Variants in DENND1B observed in about 807,000 individuals in gnomAD.
DENND1B encodes the protein DENN domain containing 1B.
A neutral mutation model predicts 90.1 loss-of-function variants in DENND1B; 59 were observed. The observed-to-expected ratio is 0.65, with a 90% CI of 0.53 to 0.81. The LOEUF (loss-of-function observed/expected upper bound fraction) is 0.81. DENND1B is among the 40% of genes least tolerant of loss of function. The pLI, the probability that DENND1B is intolerant of heterozygous loss-of-function variation, is 0.00. For missense variants in DENND1B, 862 were observed against 912.6 expected, an observed-to-expected ratio of 0.94 and a Z score of 0.71; for synonymous variants, 337 against 324.6, an observed-to-expected ratio of 1.04 and a Z score of -0.41.
At chr1:197,667,889 T>C (rs1300256427) in intron 5 of DENND1B, among the ~76,000 whole-genome samples, 1 of 152,218 alleles carries the variant, frequency 6.6e-6, no homozygotes, top group Admixed American at 6.5e-5. Flanking sequence ...TTATTATCTA[T>C]ATCATAACAT....
chr1:197,597,311 G>A (rs190596350), intron 13 of DENND1B, among the ~76,000 whole-genome samples: 7 of 151,392 alleles, frequency 4.6e-5, no homozygotes, highest in Non-Finnish European at 4.4e-5. Flanking sequence ...ATCAATATAC[G>A]TATTTAATTA....
intron 20 of DENND1B, among the ~76,000 whole-genome samples, chr1:197,537,111 G>A (rs895678979): frequency 2.0e-5 from 3 of 151,284 alleles, no homozygotes; most frequent in African/African-American, 2.4e-5. Context: ...GACACATAAC[G>A]AATACAAAGA....
chr1:197,695,061 A>G (rs1658291609), intron 3 of DENND1B, among the ~76,000 whole-genome samples: 1 of 151,284 alleles, frequency 6.6e-6, no homozygotes, highest in Non-Finnish European at 1.5e-5. Context: ...TAAAATTTTA[A>G]AATTTTAGCA....
intron 12 of DENND1B, among the ~76,000 whole-genome samples, chr1:197,610,455 C>A (rs935218503): frequency 6.1e-5 from 9 of 147,568 alleles, no homozygotes; most frequent in African/African-American, 7.4e-5. Context: ...AATCATTATG[C>A]AAAAAAAAAA....
intron 6 of DENND1B, among the ~76,000 whole-genome samples, chr1:197,655,014 T>A (rs1315431053): frequency 6.6e-6 from 1 of 152,114 alleles, no homozygotes; most frequent in Non-Finnish European, 1.5e-5. Context: ...TGCTCCAGAC[T>A]CAGTCAACAG....
chr1:197,674,122 T>C lies in DENND1B; in HGVS notation c.174A>G (p.Glu58=). 6.3e-7 allele frequency: 1 copy of C among 1,597,108 alleles called. No individual in the cohort carries two copies. The highest frequency in any genetic ancestry group is 8.6e-7 in the Non-Finnish European group (1 of 1,168,378). Residue 58 remains glutamate (E), a splice_region_variant and synonymous_variant, in exon 4 of 23, where the codon GAA becomes GAG. Coordinates refer to ENST00000620048, the MANE Select transcript of DENND1B (RefSeq NM_001195215.2). ...VPKFCFPFDV[E]RVSQNQVGQH... Reference sequence around the variant, plus strand: ...TTTAAATGATACTTATACTGTACCTTTCAACGTCAAAGGGAAAACAGAACT... The same window carrying C: ...TTTAAATGATACTTATACTGTACCTCTCAACGTCAAAGGGAAAACAGAACT...
Position 197,715,012 on chromosome 1 carries a change from A to G in DENND1B, c.126+19T>C. On this transcript the variant is annotated intron_variant, in intron 3 of 22. Transcript: ENST00000620048. ...AATACTTCAACTTTAAATTTTTTAAAAAATTATGTGGTACCAACCTGGTCT... is the reference window on the plus strand; with the variant it reads ...AATACTTCAACTTTAAATTTTTTAAGAAATTATGTGGTACCAACCTGGTCT... 1 of 1,600,152 alleles carries G rather than the reference A, an allele frequency of 6.2e-7. No individual in the cohort carries two copies. Among genetic ancestry groups the G allele is most frequent in the East Asian group, 2.2e-5 (1 of 44,610 alleles).
At chr1:197,541,145 C>A in intron 18 of DENND1B, 130 bp from the exon 19 acceptor site, 1 of 843,034 alleles carries the variant, frequency 1.2e-6, no homozygotes, top group Non-Finnish European at 1.9e-6. Context: ...AGATTATAAT[C>A]TAACATTCTA....
At chr1:197,573,161 T>C (rs1296467671) in intron 15 of DENND1B, among the ~76,000 whole-genome samples, 2 of 152,196 alleles carry the variant, frequency 1.3e-5, no homozygotes, top group Non-Finnish European at 2.9e-5. Context: ...CTGATTTTAG[T>C]TGTTTCTTGC....
At chr1:197,713,760 A>C (rs1660206231) in intron 3 of DENND1B, among the ~76,000 whole-genome samples, 1 of 67,742 alleles carries the variant, frequency 1.5e-5, no homozygotes, top group African/African-American at 5.5e-5. Context: ...AAAAAAAAAT[A>C]ATTATATTAT....
chr1:197,669,743 C>A (rs1185631719), intron 5 of DENND1B, among the ~76,000 whole-genome samples: 1 of 151,974 alleles, frequency 6.6e-6, no homozygotes, highest in African/African-American at 2.4e-5. Flanking sequence ...AAAGTTTTGA[C>A]ACCTCCTACT....
chr1:197,655,593 G>A (rs893717767), intron 6 of DENND1B, among the ~76,000 whole-genome samples: 4 of 151,282 alleles, frequency 2.6e-5, no homozygotes, highest in South Asian at 4.2e-4. Context: ...GTGCGCTGGC[G>A]CGATCTGCGC....
At chr1:197,549,999 T>C (rs1332648002) in intron 16 of DENND1B, among the ~76,000 whole-genome samples, 2 of 152,180 alleles carry the variant, frequency 1.3e-5, no homozygotes, top group Non-Finnish European at 2.9e-5. Flanking sequence ...TTCATATTCA[T>C]TTTATCATAA....
At chr1:197,520,890 A>T (rs1275736828) in intron 20 of DENND1B, among the ~76,000 whole-genome samples, 1 of 151,962 alleles carries the variant, frequency 6.6e-6, no homozygotes, top group Non-Finnish European at 1.5e-5. Flanking sequence ...TAATATATGT[A>T]AAAATTCATG....
intron 2 of DENND1B, among the ~76,000 whole-genome samples, chr1:197,736,404 A>T (rs998129342): frequency 2.0e-5 from 3 of 152,164 alleles, no homozygotes; most frequent in African/African-American, 7.2e-5. Flanking sequence ...GTTGGAGTAC[A>T]GAGGCACAAT....
intron 2 of DENND1B, among the ~76,000 whole-genome samples, chr1:197,721,978 T>C (rs970939920): frequency 1.3e-5 from 2 of 152,162 alleles, no homozygotes; most frequent in African/African-American, 4.8e-5. Flanking sequence ...CCTCTAACTT[T>C]ATATGCTGTA....
intron 10 of DENND1B, among the ~76,000 whole-genome samples, chr1:197,622,603 G>T (rs1042133844): frequency 6.6e-6 from 1 of 151,382 alleles, no homozygotes; most frequent in African/African-American, 2.4e-5. Context: ...GATAGACAGA[G>T]ATCTGATTTA....
At chr1:197,538,004 T>C (rs1670042800) in intron 20 of DENND1B, among the ~76,000 whole-genome samples, 1 of 152,072 alleles carries the variant, frequency 6.6e-6, no homozygotes, top group Non-Finnish European at 1.5e-5. Flanking sequence ...CCTATAAATT[T>C]ATATAATTAT....
chr1:197,618,014 T>C (rs996848729), intron 10 of DENND1B, among the ~76,000 whole-genome samples: 7 of 151,104 alleles, frequency 4.6e-5, no homozygotes, highest in Admixed American at 1.3e-4. Flanking sequence ...GAGTTTGGGA[T>C]TGAAAACTTA....
Sources: gnomAD v4.1 joint callset for allele counts (sites outside exome capture counted in the v4.1 genomes callset) on GRCh38, gnomAD v4.1.1 for gene constraint, MANE v1.5 for transcripts, NCBI Gene and HGNC (gene_info 2026-07-23, HGNC 2026-07-21) for gene names.